SPAG1: variants seen among roughly 807,000 people sequenced by gnomAD.
SPAG1 encodes sperm associated antigen 1.
In SPAG1, 69 loss-of-function variants were observed where a neutral mutation model predicts 100.5. That is an observed-to-expected ratio of 0.69 (90% CI 0.57 to 0.84). The LOEUF is 0.84. Among genes scored for constraint, SPAG1 ranks in the 40% least tolerant of loss-of-function variants. The probability of loss-of-function intolerance (pLI) is 0.00; values close to 1 mark genes in which losing one functional copy is unlikely to be tolerated. For missense variants in SPAG1, 955 were observed against 1,133.1 expected (o/e 0.84, Z 2.26); for synonymous variants, 336 against 411.6 (o/e 0.82, Z 2.22).
intron 14 of SPAG1, among the ~76,000 whole-genome samples, chr8:100,226,975 G>A (rs1173150498): frequency 6.6e-6 from 1 of 152,148 alleles, no homozygotes; most frequent in Non-Finnish European, 1.5e-5. Flanking sequence ...ATACCATTGT[G>A]TTACAGTTGC....
chr8:100,198,892 T>C (rs1056478692), intron 10 of SPAG1, among the ~76,000 whole-genome samples: 4 of 152,240 alleles, frequency 2.6e-5, no homozygotes, highest in African/African-American at 7.2e-5. Flanking sequence ...ATGTAGACTT[T>C]TGTATCTGTC....
intron 12 of SPAG1, among the ~76,000 whole-genome samples, chr8:100,215,155 G>A (rs772318012): frequency 6.6e-6 from 1 of 150,580 alleles, no homozygotes; most frequent in Non-Finnish European, 1.5e-5. Flanking sequence ...ACAAATCTCT[G>A]CCTGTCCCCC....
chr8:100,168,467 C>T (rs573902431), intron 3 of SPAG1, among the ~76,000 whole-genome samples: 17 of 151,998 alleles, frequency 1.1e-4, no homozygotes, highest in Middle Eastern at 3.4e-3. Context: ...CATCACAGCT[C>T]GCTGCAGCCT....
chr8:100,160,626 C>CA (rs11422854), intron 1 of SPAG1, among the ~76,000 whole-genome samples: 51,338 of 98,594 alleles, frequency 0.52, 11,381 homozygotes, highest in East Asian at 0.66. Flanking sequence ...GACTCCAACT[C>CA]AAAAAAAAAA....
chr8:100,233,401 A>G lies in SPAG1; in HGVS notation c.1989-10A>G. ...CTTTCATAATACTGAGTTCCATTGC[A>G]TTATGCCAGAGCTCTCTGTTACTTG... On this transcript the variant is annotated splice_polypyrimidine_tract_variant and intron_variant, in intron 15 of 18. Coordinates refer to ENST00000388798, the MANE Select transcript of SPAG1 (RefSeq NM_003114.5). 1 of 1,613,670 alleles carries G rather than the reference A, an allele frequency of 6.2e-7. No homozygotes were observed.
At chr8:100,216,159 T>G (rs535218293) in intron 12 of SPAG1, among the ~76,000 whole-genome samples, 4 of 152,188 alleles carry the variant, frequency 2.6e-5, no homozygotes, top group Non-Finnish European at 5.9e-5. Context: ...AGCCAGTTGT[T>G]AAGGGCTTTT....
At chr8:100,213,472 C>T in intron 11 of SPAG1, 44 bp downstream of exon 11, 1 of 1,342,742 alleles carries the variant, frequency 7.4e-7, no homozygotes, top group Non-Finnish European at 9.6e-7. Flanking sequence ...CCTCGCGCTG[C>T]GGTTCACCCG....
chr8:100,207,355 C>T (rs1817553861), intron 10 of SPAG1, among the ~76,000 whole-genome samples: 1 of 152,204 alleles, frequency 6.6e-6, no homozygotes, highest in Non-Finnish European at 1.5e-5. Context: ...CCCCAGCCTG[C>T]ACCGATGGCC....
Position 100,240,886 on chromosome 8 carries a change from T to G in SPAG1, c.2650-5T>G. 1 of 1,580,318 alleles carries G rather than the reference T, an allele frequency of 6.3e-7. No homozygotes were observed. The highest frequency in any genetic ancestry group is 8.5e-7 in the Non-Finnish European group (1 of 1,170,496). On this transcript the variant is annotated splice_region_variant and splice_polypyrimidine_tract_variant and intron_variant, in intron 18 of 18. Transcript: ENST00000388798. The stretch of plus-strand genomic sequence containing the variant: ...TTTGTTTTTTTTTTTTTTTGCTTCT[T>G]TTAGATGATGTTGACACTAATTAGC...
At chr8:100,180,394 A>C (rs11785765) in intron 4 of SPAG1, among the ~76,000 whole-genome samples, 1 of 152,092 alleles carries the variant, frequency 6.6e-6, no homozygotes, top group Non-Finnish European at 1.5e-5. Context: ...TAATATAACA[A>C]TATCTAATAA....
At chr8:100,165,193 G>T in intron 2 of SPAG1, 2 of 477,632 alleles carry the variant, frequency 4.2e-6, no homozygotes, top group East Asian at 5.8e-5. Flanking sequence ...TATTCTGAAA[G>T]GTAATTGTAT....
At chr8:100,209,384 A>G (rs569791876) in intron 10 of SPAG1, among the ~76,000 whole-genome samples, 2 of 148,380 alleles carry the variant, frequency 1.3e-5, no homozygotes, top group East Asian at 3.9e-4. Context: ...GTCCCTCTAG[A>G]GAGAACCCTG....
At chr8:100,162,937 G>A (rs745994547) in intron 2 of SPAG1, among the ~76,000 whole-genome samples, 1 of 151,744 alleles carries the variant, frequency 6.6e-6, no homozygotes, top group Non-Finnish European at 1.5e-5. Context: ...CAGCCTGGGT[G>A]ACAGAGTCTC....
chr8:100,184,770 TA>T, intron 7 of SPAG1, 37 bp downstream of exon 7: 1 of 1,144,750 alleles, frequency 8.7e-7, no homozygotes, highest in Non-Finnish European at 1.3e-6. Flanking sequence ...ACTTGCCTTT[TA>T]AAAAATGATA....
intron 3 of SPAG1, among the ~76,000 whole-genome samples, chr8:100,169,023 T>A (rs1161405279): frequency 6.6e-6 from 1 of 151,786 alleles, no homozygotes; most frequent in Non-Finnish European, 1.5e-5. Flanking sequence ...TTTGGAAGAG[T>A]GAAAGTTTTA....
intron 10 of SPAG1, among the ~76,000 whole-genome samples, chr8:100,206,776 C>T (rs1377920568): frequency 6.6e-6 from 1 of 152,188 alleles, no homozygotes; most frequent in Non-Finnish European, 1.5e-5. Context: ...CGAGGCAACA[C>T]ATTCTTCATT....
chr8:100,228,876 T>C (rs1243700172), intron 14 of SPAG1, among the ~76,000 whole-genome samples: 1 of 152,192 alleles, frequency 6.6e-6, no homozygotes, highest in African/African-American at 2.4e-5. Context: ...TAAATTTTAA[T>C]ATTTTGTGTA....
chr8:100,188,162 G>T (rs1816665337), intron 8 of SPAG1, among the ~76,000 whole-genome samples: 1 of 151,314 alleles, frequency 6.6e-6, no homozygotes, highest in Admixed American at 6.6e-5. Flanking sequence ...GCCTGTTTTT[G>T]TTTTTTTGAG....
chr8:100,162,975 TAA>T (rs59337077), intron 2 of SPAG1, among the ~76,000 whole-genome samples: 1 of 150,920 alleles, frequency 6.6e-6, no homozygotes, highest in Non-Finnish European at 1.5e-5. Context: ...AAAATAATAA[TAA>T]AAAAAATAAA....
Sources: gnomAD v4.1 joint callset for allele counts (sites outside exome capture counted in the v4.1 genomes callset) on GRCh38, gnomAD v4.1.1 for gene constraint, MANE v1.5 for transcripts, NCBI Gene and HGNC (gene_info 2026-07-23, HGNC 2026-07-21) for gene names.